TSHZ2: variants seen among roughly 807,000 people sequenced by gnomAD.
TSHZ2 encodes the protein teashirt zinc finger homeobox 2.
A neutral mutation model predicts 74.4 loss-of-function variants in TSHZ2; 21 were observed. That is an observed-to-expected ratio of 0.28 (90% CI 0.20 to 0.41). TSHZ2 has a LOEUF of 0.41. TSHZ2 is among the 10% of genes least tolerant of loss of function. The pLI is 1.00. For synonymous variants in TSHZ2, 540 were observed against 515.3 expected, an observed-to-expected ratio of 1.05 and a Z score of -0.65; for missense variants, 1,244 against 1,293.5, an observed-to-expected ratio of 0.96 and a Z score of 0.59.
chr20:53,469,313 G>A (rs1163452605), intron 2 of TSHZ2, among the ~76,000 whole-genome samples: 1 of 151,688 alleles, frequency 6.6e-6, no homozygotes, highest in Admixed American at 6.6e-5. Flanking sequence ...GGAGGCTGAG[G>A]TGAGTGGATC....
At chr20:53,148,426 A>G (rs1265559700) in intron 1 of TSHZ2, among the ~76,000 whole-genome samples, 2 of 152,178 alleles carry the variant, frequency 1.3e-5, no homozygotes, top group African/African-American at 2.4e-5. Flanking sequence ...TCGAACCTCA[A>G]TAGTGTTGAA....
At chr20:53,100,120 A>G (rs1370964559) in intron 1 of TSHZ2, among the ~76,000 whole-genome samples, 3 of 152,186 alleles carry the variant, frequency 2.0e-5, no homozygotes, top group Admixed American at 1.3e-4. Context: ...GCATGTTATC[A>G]TTAATCCTGG....
chr20:53,180,930 T>C (rs1336969839), intron 1 of TSHZ2, among the ~76,000 whole-genome samples: 1 of 152,170 alleles, frequency 6.6e-6, no homozygotes, highest in Non-Finnish European at 1.5e-5. Context: ...ATCCACGATC[T>C]CATATCCAGA....
At chr20:53,469,062 T>TATATATATATATAC (rs1985663275) in intron 2 of TSHZ2, among the ~76,000 whole-genome samples, 1 of 123,554 alleles carries the variant, frequency 8.1e-6, no homozygotes, top group African/African-American at 3.0e-5. Flanking sequence ...TATATATATA[T>TATATATATATATAC]ATATATATAT....
intron 2 of TSHZ2, among the ~76,000 whole-genome samples, chr20:53,459,754 TG>T (rs1985270948): frequency 7.1e-6 from 1 of 140,350 alleles, no homozygotes; most frequent in African/African-American, 2.7e-5. Context: ...GCAGGCCTGG[TG>T]GTGACAAAAT....
rs550228250 is a variant in TSHZ2 at position 53,315,043 on chromosome 20, G to A, written c.*8+58472G>A. Among the ~76,000 whole-genome samples the A allele has an allele frequency of 5.9e-5, 9 of 152,312 alleles. No homozygotes were observed. In the South Asian group the frequency reaches 1.0e-3, roughly 18 times the overall value. On this transcript the variant is annotated intron_variant, in intron 2 of 2. Transcript: ENST00000371497. Reference sequence around the variant, plus strand: ...ACCTCTGCCATGTTTTATTGGTCAAGTCACAACTCAAGGAGATTCAAAAAA... The same window carrying A: ...ACCTCTGCCATGTTTTATTGGTCAAATCACAACTCAAGGAGATTCAAAAAA...
At chr20:53,474,053 A>G (rs142297842) in intron 2 of TSHZ2, among the ~76,000 whole-genome samples, 30,205 of 148,358 alleles carry the variant, frequency 0.2, 3,403 homozygotes, top group African/African-American at 0.29. Flanking sequence ...AAAGCGATGG[A>G]GAGAATGGAA....
intron 1 of TSHZ2, among the ~76,000 whole-genome samples, chr20:53,005,050 C>T (rs1262413963): frequency 6.6e-6 from 1 of 152,136 alleles, no homozygotes; most frequent in African/African-American, 2.4e-5. Context: ...TGGTGGCTCA[C>T]ACTTGTAATC....
intron 1 of TSHZ2, among the ~76,000 whole-genome samples, chr20:53,172,644 C>A (rs1988228497): frequency 6.6e-6 from 1 of 152,170 alleles, no homozygotes; most frequent in African/African-American, 2.4e-5. Context: ...GTTGCTAAAT[C>A]CTCACAACCA....
chr20:53,195,284 C>A (rs374718808), intron 1 of TSHZ2, among the ~76,000 whole-genome samples: 1 of 150,236 alleles, frequency 6.7e-6, no homozygotes, highest in Non-Finnish European at 1.5e-5. Context: ...TATATATATA[C>A]ACACACACAC....
chr20:53,315,301 AAAGGAATAAAAAGAC>A (rs1978959304), intron 2 of TSHZ2, among the ~76,000 whole-genome samples: 1 of 152,158 alleles, frequency 6.6e-6, no homozygotes, highest in Non-Finnish European at 1.5e-5. Context: ...TTCCTCTGGG[AAAGGAATAAAAAGAC>A]AATCCACACT....
chr20:53,010,930 T>C (rs763305743), intron 1 of TSHZ2, among the ~76,000 whole-genome samples: 1 of 152,242 alleles, frequency 6.6e-6, no homozygotes, highest in Non-Finnish European at 1.5e-5. Flanking sequence ...ATTTTCTTTA[T>C]TACGTTGTCT....
At chr20:53,222,038 TA>T (rs1421274266) in intron 1 of TSHZ2, among the ~76,000 whole-genome samples, 1 of 152,208 alleles carries the variant, frequency 6.6e-6, no homozygotes, top group Non-Finnish European at 1.5e-5. Flanking sequence ...TACATGTCCC[TA>T]AGTATTTGGA....
intron 2 of TSHZ2, among the ~76,000 whole-genome samples, chr20:53,377,579 G>T (rs1981702680): frequency 6.6e-6 from 1 of 152,144 alleles, no homozygotes; most frequent in African/African-American, 2.4e-5. Flanking sequence ...AGGCCACTGG[G>T]CCGGGTATGG....
chr20:53,325,106 C>T (rs765415681), intron 2 of TSHZ2, among the ~76,000 whole-genome samples: 1 of 152,198 alleles, frequency 6.6e-6, no homozygotes, highest in Non-Finnish European at 1.5e-5. Context: ...AACACAGGGA[C>T]TGTGAAAATG....
chr20:53,336,901 G>A (rs1979971420), intron 2 of TSHZ2, among the ~76,000 whole-genome samples: 1 of 151,818 alleles, frequency 6.6e-6, no homozygotes, highest in Non-Finnish European at 1.5e-5. Flanking sequence ...ACATACAAGT[G>A]CATATGCATA....
chr20:53,132,381 G>A (rs1339232461), intron 1 of TSHZ2, among the ~76,000 whole-genome samples: 1 of 148,042 alleles, frequency 6.8e-6, no homozygotes, highest in Non-Finnish European at 1.5e-5. Context: ...GCACCATCTT[G>A]GCTCACTGCA....
At chr20:53,005,730 C>T (rs1021246007) in intron 1 of TSHZ2, among the ~76,000 whole-genome samples, 5 of 152,088 alleles carry the variant, frequency 3.3e-5, no homozygotes, top group Admixed American at 6.6e-5. Context: ...TGTATATAGC[C>T]CCTCTCTCCA....
At chr20:52,977,438 AC>A (rs1395146657) in intron 1 of TSHZ2, among the ~76,000 whole-genome samples, 8 of 110,416 alleles carry the variant, frequency 7.2e-5, no homozygotes, top group African/African-American at 2.9e-4. Context: ...ACACACACAC[AC>A]ACACACACAC....
Sources: gnomAD v4.1 joint callset for allele counts (sites outside exome capture counted in the v4.1 genomes callset) on GRCh38, gnomAD v4.1.1 for gene constraint, MANE v1.5 for transcripts, NCBI Gene and HGNC (gene_info 2026-07-23, HGNC 2026-07-21) for gene names.